Variants in PCDHA2 observed in about 807,000 individuals in gnomAD.
The protein encoded by PCDHA2 is protocadherin alpha-2.
In PCDHA2, 58 loss-of-function variants were observed where a neutral mutation model predicts 66.0. That is an observed-to-expected ratio of 0.88 (90% CI 0.71 to 1.09). The LOEUF is 1.09. Ranked by LOEUF, PCDHA2 falls within the 50% of genes least tolerant of loss-of-function variation. The pLI is 0.00. For missense variants in PCDHA2, 1,267 were observed against 1,242.3 expected, an observed-to-expected ratio of 1.02 and a Z score of -0.30; for synonymous variants, 634 against 554.0, an observed-to-expected ratio of 1.14 and a Z score of -2.03.
chr5:140,876,301 A>G (rs2056269338), intron 1 of PCDHA2: 2 of 1,614,076 alleles, frequency 1.2e-6, no homozygotes, highest in East Asian at 4.5e-5. Flanking sequence ...TAATGGAGAA[A>G]TTTCCTATGG....
intron 1 of PCDHA2, chr5:140,823,028 C>G: frequency 6.2e-7 from 1 of 1,614,206 alleles, no homozygotes; most frequent in Non-Finnish European, 8.5e-7. Flanking sequence ...GAGAGCGTGT[C>G]GGTCTATGAG....
At chr5:140,884,170 G>T (rs1333457358) in intron 1 of PCDHA2, 2 of 1,613,412 alleles carry the variant, frequency 1.2e-6, no homozygotes, top group Non-Finnish European at 8.5e-7. Context: ...TCAGCACGAC[G>T]CGCCCTCTGG....
intron 1 of PCDHA2, among the ~76,000 whole-genome samples, chr5:140,942,504 G>C (rs2093309107): frequency 6.6e-6 from 1 of 151,936 alleles, no homozygotes; most frequent in Admixed American, 6.6e-5. Flanking sequence ...ATGGTATCTA[G>C]GAAACTCAGA....
At chr5:140,920,548 C>T (rs1222470517) in intron 1 of PCDHA2, among the ~76,000 whole-genome samples, 5 of 152,186 alleles carry the variant, frequency 3.3e-5, no homozygotes, top group Admixed American at 6.5e-5. Context: ...ATTTCACCTT[C>T]GAAGTGTGGC....
At chr5:140,829,792 G>C in intron 1 of PCDHA2, 2 of 1,613,832 alleles carry the variant, frequency 1.2e-6, no homozygotes, top group Non-Finnish European at 1.7e-6. Flanking sequence ...CGCTGCTGGC[G>C]CCTCGGGTGG....
At chr5:140,927,183 C>G (rs1554204140) in intron 1 of PCDHA2, 2 of 1,614,042 alleles carry the variant, frequency 1.2e-6, no homozygotes, top group African/African-American at 2.7e-5. Flanking sequence ...TCTTGACCTA[C>G]GACCTGGTGC....
At chr5:140,913,348 C>A (rs1233529642) in intron 1 of PCDHA2, among the ~76,000 whole-genome samples, 1 of 152,080 alleles carries the variant, frequency 6.6e-6, no homozygotes, top group East Asian at 1.9e-4. Context: ...TCCATTTCCT[C>A]TAGATTTTTA....
chr5:140,853,369 T>G, intron 1 of PCDHA2: 1 of 982,984 alleles, frequency 1.0e-6, no homozygotes, highest in African/African-American at 1.8e-5. Flanking sequence ...GATCCAGAGA[T>G]GGTAAAATTC....
At chr5:140,880,281 C>T (rs2058294062) in intron 1 of PCDHA2, among the ~76,000 whole-genome samples, 2 of 152,074 alleles carry the variant, frequency 1.3e-5, no homozygotes. Flanking sequence ...AGAAGTTTGA[C>T]TATCTTCATA....
intron 1 of PCDHA2, chr5:140,854,257 T>C (rs189442319): frequency 3.3e-6 from 2 of 609,080 alleles, no homozygotes; most frequent in Non-Finnish European, 4.1e-6. Flanking sequence ...TGGTATAAAA[T>C]GTACATTAGT....
At chr5:140,856,866 A>G in intron 1 of PCDHA2, 1 of 1,595,900 alleles carries the variant, frequency 6.3e-7, no homozygotes, top group Non-Finnish European at 8.6e-7. Flanking sequence ...GAAGGAATAA[A>G]CAAGGAAATG....
intron 1 of PCDHA2, chr5:140,807,856 T>C (rs781955377): frequency 1.9e-6 from 3 of 1,614,214 alleles, no homozygotes. Context: ...CCGAGTTGAC[T>C]GGCACCGTTC....
At chr5:140,914,140 T>C (rs1006570934) in intron 1 of PCDHA2, among the ~76,000 whole-genome samples, 2 of 152,230 alleles carry the variant, frequency 1.3e-5, no homozygotes, top group African/African-American at 4.8e-5. Flanking sequence ...AGTTTTTGTC[T>C]GTCAGTTCTG....
At position 140,834,371 on chromosome 5, in the gene PCDHA2, C is replaced by G. The variant is rs2150215996; in HGVS notation, c.2388+37019C>G. Reference sequence around the variant, plus strand: ...AAGTTTTGCTGACTAGAAAAACAAGCCAATAATTTGAAATGGTGTGCCCGA... The same window carrying G: ...AAGTTTTGCTGACTAGAAAAACAAGGCAATAATTTGAAATGGTGTGCCCGA... On this transcript the variant is annotated intron_variant, in intron 1 of 3. Coordinates refer to ENST00000526136, the MANE Select transcript of PCDHA2 (RefSeq NM_018905.3). 3.9e-6 allele frequency: 6 copies of G among 1,557,822 alleles called. No individual in the cohort carries two copies. In the African/African-American group the frequency reaches 8.2e-5, roughly 21 times the overall value.
chr5:140,982,741 T>C (rs2097000256), intron 3 of PCDHA2, among the ~76,000 whole-genome samples, 178 bp downstream of exon 3: 1 of 152,164 alleles, frequency 6.6e-6, no homozygotes, highest in Admixed American at 6.6e-5. Flanking sequence ...TACCTAATGC[T>C]CTTCAGGAGT....
intron 1 of PCDHA2, among the ~76,000 whole-genome samples, chr5:140,933,619 T>C (rs2089273151): frequency 2.6e-5 from 4 of 152,058 alleles, no homozygotes; most frequent in Non-Finnish European, 2.9e-5. Flanking sequence ...TCTTATTAGG[T>C]TAGGCTGGCC....
chr5:140,846,760 A>G (rs2150394532), intron 1 of PCDHA2, among the ~76,000 whole-genome samples: 3 of 149,554 alleles, frequency 2.0e-5, no homozygotes, highest in South Asian at 4.2e-4. Flanking sequence ...CTCTAACAGC[A>G]TATCATCATG....
chr5:140,835,793 G>C, intron 1 of PCDHA2: 1 of 1,613,102 alleles, frequency 6.2e-7, no homozygotes, highest in Non-Finnish European at 8.5e-7. Context: ...ACAACCCGCC[G>C]GGCTGCCACA....
chr5:140,965,834 G>T (rs1018708290), intron 1 of PCDHA2, among the ~76,000 whole-genome samples: 1 of 152,128 alleles, frequency 6.6e-6, no homozygotes, highest in Admixed American at 6.5e-5. Context: ...TTAAATATTG[G>T]TTATTTGCCA....
Sources: gnomAD v4.1 joint callset for allele counts (sites outside exome capture counted in the v4.1 genomes callset) on GRCh38, gnomAD v4.1.1 for gene constraint, MANE v1.5 for transcripts, NCBI Gene and HGNC (gene_info 2026-07-23, HGNC 2026-07-21) for gene names.